Variants in ADAMTS6 observed in about 807,000 individuals in gnomAD.
ADAMTS6 encodes the protein ADAM metallopeptidase with thrombospondin type 1 motif 6.
Under a neutral mutation model 144.3 loss-of-function variants are expected in ADAMTS6, and 23 were observed. The observed-to-expected ratio is 0.16, with a 90% CI of 0.11 to 0.23. ADAMTS6 has a LOEUF of 0.23. ADAMTS6 is among the 10% of genes least tolerant of loss of function. ADAMTS6 has a pLI of 1.00. For synonymous variants in ADAMTS6, 444 were observed against 457.5 expected (o/e 0.97, Z 0.38); for missense variants, 999 against 1,379.6 (o/e 0.72, Z 4.37).
At position 65,473,636 on chromosome 5, in the gene ADAMTS6, C is replaced by G. The variant is rs1268213087; in HGVS notation, c.38G>C (p.Ser13Thr). 6.2e-7 allele frequency: 1 copy of G among 1,613,792 alleles called. No homozygotes were observed. The highest frequency in any genetic ancestry group is 1.7e-5 in the Admixed American group (1 of 60,020). Residue 13 changes from serine (S) to threonine (T), a missense_variant, in exon 2 of 25, where the codon AGC (serine) becomes ACC (threonine). Coordinates refer to ENST00000381055, the MANE Select transcript of ADAMTS6 (RefSeq NM_197941.4). ...AAATTCCGATGAAGCCATGATGAGG[C>G]TCAAAATCCAGGTCAACGTCTTCCA... ...ILWKTLTWIL[S>T]LIMASSEFHS...
Position 65,470,820 on chromosome 5 carries a change from T to C in ADAMTS6, c.420A>G (p.Gln140=). Reference sequence around the variant, plus strand: ...TTAAAGCCACTTTAGTTGTACTACGTTGATCTTGCAAATATCCTGTGTAAT... The same window carrying C: ...TTAAAGCCACTTTAGTTGTACTACGCTGATCTTGCAAATATCCTGTGTAAT... The part of the protein sequence containing the change: ...NCHYTGYLQD[Q]RSTTKVALSN... Residue 140 remains glutamine, a synonymous_variant, in exon 3 of 25, where the codon CAA becomes CAG. Coordinates refer to ENST00000381055, the MANE Select transcript of ADAMTS6 (RefSeq NM_197941.4). 2 of 1,608,976 alleles carry C rather than the reference T, an allele frequency of 1.2e-6. No individual in the cohort carries two copies. The highest frequency in any genetic ancestry group is 1.7e-6 in the Non-Finnish European group (2 of 1,178,608).
chr5:65,342,423 G>C (rs974397696), intron 7 of ADAMTS6, among the ~76,000 whole-genome samples: 1 of 151,932 alleles, frequency 6.6e-6, no homozygotes, highest in African/African-American at 2.4e-5. Context: ...GAATAGCATG[G>C]GAAAGACCCA....
At chr5:65,229,660 G>A (rs1347733677) in intron 15 of ADAMTS6, among the ~76,000 whole-genome samples, 23 of 152,064 alleles carry the variant, frequency 1.5e-4, no homozygotes, top group Non-Finnish European at 1.5e-5. Context: ...AATGAAAAAT[G>A]TAATAGCATC....
At chr5:65,410,577 TATATTA>T (rs1192836117) in intron 7 of ADAMTS6, among the ~76,000 whole-genome samples, 9 of 152,134 alleles carry the variant, frequency 5.9e-5, no homozygotes, top group Admixed American at 5.9e-4. Context: ...AAGTATGCAA[TATATTA>T]ATATTATCAT....
At chr5:65,153,463 G>A (rs1393770565) in intron 24 of ADAMTS6, among the ~76,000 whole-genome samples, 1 of 152,188 alleles carries the variant, frequency 6.6e-6, no homozygotes, top group Non-Finnish European at 1.5e-5. Context: ...CACACTCAAC[G>A]TGTAACATGT....
intron 21 of ADAMTS6, 83 bp from the exon 22 acceptor site, chr5:65,188,303 T>C (rs1174007690): frequency 7.7e-7 from 1 of 1,298,074 alleles, no homozygotes; most frequent in Non-Finnish European, 1.1e-6. Context: ...GCACTTTCAC[T>C]GATGGACTAC....
chr5:65,397,087 T>C (rs1364722028), intron 7 of ADAMTS6, among the ~76,000 whole-genome samples: 3 of 152,198 alleles, frequency 2.0e-5, no homozygotes, highest in Non-Finnish European at 2.9e-5. Context: ...TTCAAGGAAT[T>C]AGTACATTTC....
chr5:65,348,035 GA>G (rs749495075), intron 7 of ADAMTS6, among the ~76,000 whole-genome samples: 1 of 152,082 alleles, frequency 6.6e-6, no homozygotes, highest in African/African-American at 2.4e-5. Flanking sequence ...AAGTGTTACA[GA>G]AGATGTAGAG....
At chr5:65,445,658 A>G (rs1027110055) in intron 7 of ADAMTS6, among the ~76,000 whole-genome samples, 1 of 152,092 alleles carries the variant, frequency 6.6e-6, no homozygotes, top group Non-Finnish European at 1.5e-5. Context: ...TTTCACTCTT[A>G]AAAGTGTCCC....
intron 24 of ADAMTS6, among the ~76,000 whole-genome samples, chr5:65,159,731 T>C (rs1549249): frequency 0.59 from 90,215 of 152,080 alleles, 27,169 homozygotes; most frequent in Non-Finnish European, 0.65. Flanking sequence ...GAACCTGTTG[T>C]ATTGCGTTCA....
At chr5:65,426,715 A>AAAAAC (rs1198654734) in intron 7 of ADAMTS6, among the ~76,000 whole-genome samples, 4 of 152,232 alleles carry the variant, frequency 2.6e-5, no homozygotes, top group African/African-American at 7.2e-5. Flanking sequence ...AAAGCTTATT[A>AAAAAC]AAAACAAAAC....
At chr5:65,420,219 A>G (rs139446267) in intron 7 of ADAMTS6, among the ~76,000 whole-genome samples, 1 of 152,310 alleles carries the variant, frequency 6.6e-6, no homozygotes, top group African/African-American at 2.4e-5. Flanking sequence ...AACCAACCCC[A>G]TGATTCAATT....
At position 65,429,745 on chromosome 5, in the gene ADAMTS6, G is replaced by C. The variant is rs140562120; in HGVS notation, c.1073+21730C>G. Among the ~76,000 whole-genome samples the C allele has an allele frequency of 7.4e-4, 112 of 151,992 alleles. 2 individuals carry two copies. The East Asian group carries it at 0.021, about 29-fold the overall frequency. On this transcript the variant is annotated intron_variant, in intron 7 of 24. Transcript: ENST00000381055. ...AAAATTAAATTACTAAATTGCAGAA[G>C]TTTTAAAAGAAAGTTAATAAAATAC...
rs1752005033 is a variant in ADAMTS6 at position 65,149,222 on chromosome 5, C to G, written c.*2614G>C. On this transcript the variant is annotated 3_prime_UTR_variant, in exon 25 of 25. Transcript: ENST00000381055. ...TTCCCTAAGTAGTCTATGTAGCTCACTACTTTTGGAAGGTCTGCCATGGTG... is the reference window on the plus strand; with the variant it reads ...TTCCCTAAGTAGTCTATGTAGCTCAGTACTTTTGGAAGGTCTGCCATGGTG... 6.6e-6 allele frequency: 1 copy of G among 152,246 alleles called. No homozygotes were observed. Among genetic ancestry groups the G allele is most frequent in the Non-Finnish European group, 1.5e-5 (1 of 68,050 alleles). The allele number at this position is 152,246 out of a possible 1,614,324, so 9.4% of individuals were successfully genotyped here.
intron 7 of ADAMTS6, among the ~76,000 whole-genome samples, chr5:65,401,588 C>T (rs1580611488): frequency 6.6e-6 from 1 of 152,180 alleles, no homozygotes; most frequent in African/African-American, 2.4e-5. Flanking sequence ...TTAACTCTTA[C>T]ACTTGTCCAC....
intron 21 of ADAMTS6, among the ~76,000 whole-genome samples, chr5:65,194,894 CA>C (rs1755238109): frequency 6.6e-6 from 1 of 152,092 alleles, no homozygotes. Flanking sequence ...TGTTAAAAAA[CA>C]AAAACAAACC....
chr5:65,360,801 A>C (rs1353751307), intron 7 of ADAMTS6, among the ~76,000 whole-genome samples: 1 of 152,234 alleles, frequency 6.6e-6, no homozygotes, highest in Non-Finnish European at 1.5e-5. Flanking sequence ...AGAGTTCAAA[A>C]GAAGAAGCAA....
At chr5:65,398,226 T>C (rs145296560) in intron 7 of ADAMTS6, among the ~76,000 whole-genome samples, 32 of 152,360 alleles carry the variant, frequency 2.1e-4, no homozygotes, top group Middle Eastern at 3.4e-3. Flanking sequence ...AGAGGGGTGC[T>C]GAAGTCTTCA....
intron 10 of ADAMTS6, among the ~76,000 whole-genome samples, chr5:65,292,579 T>C (rs2112764599): frequency 6.6e-6 from 1 of 152,256 alleles, no homozygotes; most frequent in East Asian, 1.9e-4. Flanking sequence ...TCAAAGTCAA[T>C]GTGTTCTATA....
Sources: gnomAD v4.1 joint callset for allele counts (sites outside exome capture counted in the v4.1 genomes callset) on GRCh38, gnomAD v4.1.1 for gene constraint, MANE v1.5 for transcripts, NCBI Gene and HGNC (gene_info 2026-07-23, HGNC 2026-07-21) for gene names.